The following PRKCE variants were observed in gnomAD, a reference collection of about 807,000 sequenced individuals.
PRKCE encodes the protein protein kinase C epsilon, also known as protein kinase C epsilon type.
In PRKCE, 16 loss-of-function variants were observed where a neutral mutation model predicts 85.4. That is an observed-to-expected ratio of 0.19 (90% CI 0.13 to 0.28). The LOEUF (loss-of-function observed/expected upper bound fraction) is 0.28. Ranked by LOEUF, PRKCE falls within the 10% of genes least tolerant of loss-of-function variation. The pLI is 1.00. For synonymous variants in PRKCE, 388 were observed against 371.5 expected, an observed-to-expected ratio of 1.04 and a Z score of -0.51; for missense variants, 573 against 975.2, an observed-to-expected ratio of 0.59 and a Z score of 5.49.
chr2:45,791,782 A>G (rs1195672238), intron 1 of PRKCE, among the ~76,000 whole-genome samples: 1 of 152,162 alleles, frequency 6.6e-6, no homozygotes, highest in Non-Finnish European at 1.5e-5. Context: ...TCAGATGCTC[A>G]CTGCCATCTG....
intron 1 of PRKCE, among the ~76,000 whole-genome samples, chr2:45,816,306 G>A (rs1364029758): frequency 6.6e-6 from 1 of 152,102 alleles, no homozygotes; most frequent in Non-Finnish European, 1.5e-5. Flanking sequence ...AGATGACCAG[G>A]CTGAATGATA....
chr2:46,129,259 G>C (rs929062376), intron 11 of PRKCE, among the ~76,000 whole-genome samples: 3 of 152,158 alleles, frequency 2.0e-5, no homozygotes, highest in Non-Finnish European at 4.4e-5. Flanking sequence ...TTCACATGTG[G>C]ATGGCAGAAG....
intron 2 of PRKCE, among the ~76,000 whole-genome samples, chr2:45,955,920 C>G (rs1015906623): frequency 6.6e-6 from 1 of 152,154 alleles, no homozygotes; most frequent in Non-Finnish European, 1.5e-5. Flanking sequence ...AGAATAGTTC[C>G]ATCACCTCCC....
At chr2:45,917,852 C>T (rs1558831756) in intron 2 of PRKCE, among the ~76,000 whole-genome samples, 2 of 152,190 alleles carry the variant, frequency 1.3e-5, no homozygotes, top group Non-Finnish European at 2.9e-5. Context: ...AGAAATCGAG[C>T]GCAGCGCCCG....
chr2:45,775,385 T>C (rs571005856), intron 1 of PRKCE, among the ~76,000 whole-genome samples: 1 of 152,344 alleles, frequency 6.6e-6, no homozygotes, highest in East Asian at 1.9e-4. Context: ...CTTCATGCAG[T>C]GCTCACAGCA....
chr2:46,087,317 A>G (rs189006432), intron 11 of PRKCE, among the ~76,000 whole-genome samples: 46 of 152,322 alleles, frequency 3.0e-4, no homozygotes. Flanking sequence ...GAAGTGTGGC[A>G]TTGGACAAGT....
intron 3 of PRKCE, chr2:45,978,723 G>T: frequency 2.2e-6 from 1 of 449,232 alleles, no homozygotes; most frequent in Middle Eastern, 6.1e-4. Flanking sequence ...CACAGGAATG[G>T]CTCTCTGTAT....
chr2:45,732,380 G>A (rs1260512181), intron 1 of PRKCE, among the ~76,000 whole-genome samples: 1 of 151,920 alleles, frequency 6.6e-6, no homozygotes, highest in Non-Finnish European at 1.5e-5. Flanking sequence ...CAACTCACAG[G>A]GCAGATTTAT....
intron 1 of PRKCE, among the ~76,000 whole-genome samples, chr2:45,753,188 T>G (rs965571068): frequency 1.3e-5 from 2 of 152,130 alleles, no homozygotes; most frequent in African/African-American, 4.8e-5. Context: ...CAGAACTACC[T>G]GAAGCCTAGT....
chr2:46,150,999 G>A (rs749336449), intron 12 of PRKCE, 42 bp from the exon 13 acceptor site: 15 of 1,560,106 alleles, frequency 9.6e-6, no homozygotes, highest in Non-Finnish European at 1.3e-5. Context: ...CACTGGGGTG[G>A]GAGCCTTTGA....
At chr2:46,007,211 G>A (rs182712609) in intron 8 of PRKCE, among the ~76,000 whole-genome samples, 70 of 152,322 alleles carry the variant, frequency 4.6e-4, no homozygotes, top group African/African-American at 1.6e-3. Context: ...AGTGTAATCT[G>A]GAGTTGACAA....
chr2:45,767,882 C>G (rs1422950711), intron 1 of PRKCE, among the ~76,000 whole-genome samples: 1 of 152,114 alleles, frequency 6.6e-6, no homozygotes, highest in Non-Finnish European at 1.5e-5. Context: ...CTAGAAACAC[C>G]AAGGGATAGA....
At chr2:46,125,186 G>T (rs1247050901) in intron 11 of PRKCE, among the ~76,000 whole-genome samples, 1 of 152,200 alleles carries the variant, frequency 6.6e-6, no homozygotes, top group Non-Finnish European at 1.5e-5. Flanking sequence ...TTTGGGAAGA[G>T]CATTTGGGAA....
intron 12 of PRKCE, 69 bp from the exon 13 acceptor site, chr2:46,150,972 G>A (rs1574606519): frequency 1.1e-5 from 16 of 1,434,614 alleles, no homozygotes; most frequent in African/African-American, 2.8e-5. Context: ...TCCCATGGGC[G>A]TTCGTAGCAC....
At chr2:45,764,516 A>G (rs1489676109) in intron 1 of PRKCE, among the ~76,000 whole-genome samples, 1 of 152,240 alleles carries the variant, frequency 6.6e-6, no homozygotes, top group African/African-American at 2.4e-5. Flanking sequence ...GTGAAAGTGA[A>G]TATCTGCAGC....
chr2:45,894,884 G>A (rs1329840100), intron 2 of PRKCE, among the ~76,000 whole-genome samples: 1 of 152,100 alleles, frequency 6.6e-6, no homozygotes, highest in Non-Finnish European at 1.5e-5. Context: ...CACTGCGCCT[G>A]GCTAATTTTT....
At position 45,690,750 on chromosome 2, in the gene PRKCE, C is replaced by T. The variant is rs114069767; in HGVS notation, c.348+38302C>T. On this transcript the variant is annotated intron_variant, in intron 1 of 14. Coordinates refer to ENST00000306156, the MANE Select transcript of PRKCE (RefSeq NM_005400.3). ...AGAAGGTTTGAGTGATTTTCCCTCT[C>T]TGTATAATGATCTGAAGTGAAGAGA... is the stretch of plus-strand genomic sequence containing the variant. Among the ~76,000 whole-genome samples, 1,063 of 152,304 alleles carry T rather than the reference C, an allele frequency of 7.0e-3. 17 individuals carry two copies. Among genetic ancestry groups the T allele is most frequent in the African/African-American group, 0.024 (977 of 41,556 alleles).
At chr2:46,162,727 C>A (rs11688256) in intron 14 of PRKCE, among the ~76,000 whole-genome samples, 120,018 of 152,162 alleles carry the variant, frequency 0.79, 47,789 homozygotes, top group East Asian at 0.96. Flanking sequence ...GCAGGTCTTT[C>A]AAGACTTCTT....
Position 46,086,304 on chromosome 2 carries a change from T to C in PRKCE, c.1534T>C (p.Tyr512His). 1 of 1,599,742 alleles carries C rather than the reference T, an allele frequency of 6.3e-7. No individual in the cohort carries two copies. Among genetic ancestry groups the C allele is most frequent in the Non-Finnish European group, 8.5e-7 (1 of 1,179,950 alleles). The change falls in exon 11 of 15, where the codon TAT becomes CAT. Residue 512 changes from tyrosine (Y) to histidine (H), a missense_variant. Transcript: ENST00000306156. ...RKFDEPRSRF[Y>H]AAEVTSALMF... The stretch of plus-strand genomic sequence containing the variant: ...ATTCGACGAGCCTCGTTCACGGTTC[T>C]ATGCTGCAGAGGTCACATCGGCCCT...
Sources: allele counts gnomAD v4.1 joint callset (sites outside exome capture counted in the v4.1 genomes callset), GRCh38; gene constraint gnomAD v4.1.1; transcripts MANE v1.5; gene names NCBI Gene and HGNC (gene_info 2026-07-23, HGNC 2026-07-21).